The following SPATS2 variants were observed in gnomAD, a reference collection of about 807,000 sequenced individuals.
The protein encoded by SPATS2 is spermatogenesis-associated serine-rich protein 2.
Under a neutral mutation model 63.7 loss-of-function variants are expected in SPATS2, and 38 were observed. The ratio of observed to expected loss-of-function variants is 0.60; its 90% CI spans 0.46 to 0.78. The LOEUF (loss-of-function observed/expected upper bound fraction) is 0.78. SPATS2 is among the 30% of genes least tolerant of loss of function. The pLI is 0.00. For synonymous variants in SPATS2, 207 were observed against 232.9 expected (o/e 0.89, Z 1.01); for missense variants, 588 against 666.2 (o/e 0.88, Z 1.29).
At chr12:49,521,839 T>C (rs1946946108) in intron 11 of SPATS2, among the ~76,000 whole-genome samples, 1 of 152,188 alleles carries the variant, frequency 6.6e-6, no homozygotes, top group Admixed American at 6.5e-5. Flanking sequence ...ACTCTGAAAC[T>C]TTAGGAATTC....
chr12:49,419,498 T>A (rs1163518793), intron 2 of SPATS2, among the ~76,000 whole-genome samples: 2 of 152,248 alleles, frequency 1.3e-5, no homozygotes, highest in Non-Finnish European at 2.9e-5. Context: ...AGCTGCTTTG[T>A]GAAACCAGTA....
chr12:49,380,144 G>A (rs1278718217), intron 2 of SPATS2, among the ~76,000 whole-genome samples: 1 of 150,274 alleles, frequency 6.7e-6, no homozygotes, highest in African/African-American at 2.4e-5. Context: ...CTGGTCTCAT[G>A]TATCAACCTC....
At chr12:49,498,965 T>A (rs1279989970) in intron 8 of SPATS2, among the ~76,000 whole-genome samples, 4 of 152,242 alleles carry the variant, frequency 2.6e-5, no homozygotes, top group African/African-American at 9.6e-5. Flanking sequence ...TTTGTATTTT[T>A]AGTAGAGACA....
rs139234210 is a variant in SPATS2, at chr12:49,500,138, G to T, written c.772G>T (p.Val258Leu). The change falls in exon 9 of 14, where the codon GTA becomes TTA. Residue 258 changes from valine (V) to leucine (L), a missense_variant. Val to Leu is a conservative substitution (Grantham distance 32, BLOSUM62 1). Transcript: ENST00000552918. ...AGTGTCTCTTGCACGGTATCGAGTT[G>T]TAGTTAAAGAAGAGATGGATGCCTC... is the stretch of plus-strand genomic sequence containing the variant. ...CTVSLARYRV[V>L]VKEEMDASIK... 3.7e-6 allele frequency: 6 copies of T among 1,611,178 alleles called. No individual in the cohort carries two copies. The African/African-American group carries it at 8.1e-5, about 22-fold the overall frequency.
chr12:49,429,743 A>G (rs1945145907), intron 2 of SPATS2, among the ~76,000 whole-genome samples: 2 of 148,928 alleles, frequency 1.3e-5, no homozygotes, highest in South Asian at 2.1e-4. Context: ...AGCATGAGCC[A>G]CTGTGCCTGG....
At chr12:49,520,429 C>T (rs1183402807) in intron 11 of SPATS2, among the ~76,000 whole-genome samples, 1 of 152,006 alleles carries the variant, frequency 6.6e-6, no homozygotes, top group East Asian at 1.9e-4. Context: ...AGTTACCACC[C>T]TTGACCTCCT....
chr12:49,452,812 A>T (rs1279738091), intron 2 of SPATS2, among the ~76,000 whole-genome samples: 1 of 151,062 alleles, frequency 6.6e-6, no homozygotes, highest in Non-Finnish European at 1.5e-5. Context: ...TCTCTTCGTT[A>T]AGATTTTCTT....
rs1945809641 is a variant in SPATS2 at position 49,460,873 on chromosome 12, G to C, written c.-140G>C. On this transcript the variant is annotated 5_prime_UTR_variant, in exon 3 of 14. Transcript: ENST00000552918. ...ATTAACAGCTAGTGAGCAGAATTTC[G>C]AACAGCAGGATTTCGTATTTTTTGC... The C allele has an allele frequency of 1.2e-6, 1 of 809,540 alleles. No homozygotes were observed. 50.1% of individuals were successfully genotyped at this position (809,540 alleles called of 1,614,324 possible).
intron 2 of SPATS2, among the ~76,000 whole-genome samples, chr12:49,390,701 A>G (rs1172050622): frequency 6.6e-6 from 1 of 152,232 alleles, no homozygotes; most frequent in Non-Finnish European, 1.5e-5. Context: ...GGAATGTGTT[A>G]TATGTACCAT....
At chr12:49,440,223 A>C (rs1945392380) in intron 2 of SPATS2, among the ~76,000 whole-genome samples, 1 of 152,164 alleles carries the variant, frequency 6.6e-6, no homozygotes, top group African/African-American at 2.4e-5. Context: ...TCCTAATCAC[A>C]AAGTCATTCT....
chr12:49,404,920 ATTATATTAAAT>A (rs1259630667), intron 2 of SPATS2, among the ~76,000 whole-genome samples: 2 of 152,138 alleles, frequency 1.3e-5, no homozygotes, highest in African/African-American at 4.8e-5. Flanking sequence ...ACACATGAAA[ATTATATTAAAT>A]TCAAATATCA....
chr12:49,416,523 A>C (rs1944892152), intron 2 of SPATS2, among the ~76,000 whole-genome samples: 1 of 151,790 alleles, frequency 6.6e-6, no homozygotes, highest in Non-Finnish European at 1.5e-5. Context: ...AGTCTCGTTC[A>C]GTCGCCCAGG....
At chr12:49,383,357 ACTTTTT>A (rs1944256803) in intron 2 of SPATS2, among the ~76,000 whole-genome samples, 2 of 151,674 alleles carry the variant, frequency 1.3e-5, no homozygotes, top group African/African-American at 4.8e-5. Context: ...ATATTCTTTA[ACTTTTT>A]CTTTTTAATA....
At chr12:49,524,642 TC>T (rs1947000905) in intron 12 of SPATS2, 39 bp from the exon 13 acceptor site, 1 of 1,595,284 alleles carries the variant, frequency 6.3e-7, no homozygotes, top group African/African-American at 1.3e-5. Context: ...ATTGTGCTGT[TC>T]TATCATATGA....
At chr12:49,487,926 A>G (rs914252644) in intron 4 of SPATS2, among the ~76,000 whole-genome samples, 14 of 152,264 alleles carry the variant, frequency 9.2e-5, no homozygotes, top group Middle Eastern at 6.8e-3. Flanking sequence ...CTGGCAAAAC[A>G]TGCCACAGTT....
intron 2 of SPATS2, among the ~76,000 whole-genome samples, chr12:49,372,596 G>A (rs1206846942): frequency 1.3e-5 from 2 of 152,058 alleles, no homozygotes; most frequent in East Asian, 1.9e-4. Flanking sequence ...TGTAAAATGC[G>A]TCAACATTTT....
chr12:49,402,373 A>T (rs2137305050), intron 2 of SPATS2, among the ~76,000 whole-genome samples: 1 of 152,284 alleles, frequency 6.6e-6, no homozygotes, highest in Non-Finnish European at 1.5e-5. Flanking sequence ...AATGGCTTAT[A>T]AATCCTGGTG....
chr12:49,474,362 G>A (rs1407923517), intron 3 of SPATS2, among the ~76,000 whole-genome samples: 2 of 152,228 alleles, frequency 1.3e-5, no homozygotes, highest in Non-Finnish European at 2.9e-5. Flanking sequence ...GAAGGTTAAT[G>A]AGTGAAGAGT....
intron 2 of SPATS2, among the ~76,000 whole-genome samples, chr12:49,381,664 C>T (rs1204013133): frequency 6.6e-6 from 1 of 152,052 alleles, no homozygotes; most frequent in Non-Finnish European, 1.5e-5. Context: ...CTATAAATGC[C>T]ACAATGAGAA....
Sources: allele counts gnomAD v4.1 joint callset (sites outside exome capture counted in the v4.1 genomes callset), GRCh38; gene constraint gnomAD v4.1.1; transcripts MANE v1.5; gene names NCBI Gene and HGNC (gene_info 2026-07-23, HGNC 2026-07-21).